Variants in KIAA1549L observed in about 807,000 individuals in gnomAD.
KIAA1549L encodes the protein UPF0606 protein KIAA1549L.
Under a neutral mutation model 160.7 loss-of-function variants are expected in KIAA1549L, and 88 were observed. The ratio of observed to expected loss-of-function variants is 0.55; its 90% CI spans 0.46 to 0.65. The LOEUF (loss-of-function observed/expected upper bound fraction) is 0.65, where lower values mean the gene tolerates loss of function less well. Ranked by LOEUF, KIAA1549L falls within the 30% of genes least tolerant of loss-of-function variation. The pLI is 0.00. For synonymous variants in KIAA1549L, 950 were observed against 976.7 expected (o/e 0.97, Z 0.51); for missense variants, 2,258 against 2,437.5 (o/e 0.93, Z 1.55).
At chr11:33,467,846 T>C (rs553473877) in intron 1 of KIAA1549L, among the ~76,000 whole-genome samples, 3 of 152,290 alleles carry the variant, frequency 2.0e-5, no homozygotes, top group South Asian at 2.1e-4. Context: ...CCTGGAGTTC[T>C]GGTGAATAAG....
chr11:33,551,310 A>G (rs1490752142), intron 5 of KIAA1549L, 51 bp downstream of exon 5: 2 of 1,486,006 alleles, frequency 1.3e-6, no homozygotes, highest in Non-Finnish European at 1.9e-6. Context: ...GTTCAGGGCC[A>G]GTACCAAGTG....
intron 17 of KIAA1549L, among the ~76,000 whole-genome samples, chr11:33,648,057 CA>C (rs1851775975): frequency 1.3e-5 from 2 of 152,154 alleles, no homozygotes; most frequent in Admixed American, 1.3e-4. Context: ...TGCAGTGGCG[CA>C]ATCTTGGCTC....
chr11:33,403,340 G>GAC (rs150153783), intron 1 of KIAA1549L: 73,908 of 94,208 alleles, frequency 0.78, 27,042 homozygotes, highest in African/African-American at 0.85. Flanking sequence ...CACACATGCA[G>GAC]ACACGCAGAC....
chr11:33,525,619 A>G (rs1219396752), intron 1 of KIAA1549L, among the ~76,000 whole-genome samples: 1 of 152,010 alleles, frequency 6.6e-6, no homozygotes, highest in Non-Finnish European at 1.5e-5. Flanking sequence ...TTGGAAGTGC[A>G]TATATGAGTG....
chr11:33,586,129 T>C (rs568196163), intron 11 of KIAA1549L, among the ~76,000 whole-genome samples: 1 of 152,352 alleles, frequency 6.6e-6, no homozygotes, highest in Non-Finnish European at 1.5e-5. Flanking sequence ...AATTCAATTA[T>C]TGTCAAAGGA....
intron 9 of KIAA1549L, among the ~76,000 whole-genome samples, chr11:33,569,577 A>G (rs1855172763): frequency 6.6e-6 from 1 of 152,174 alleles, no homozygotes; most frequent in Admixed American, 6.5e-5. Context: ...GGCAATCTTG[A>G]AAGTATAGAC....
chr11:33,502,713 A>C (rs1026345166), intron 1 of KIAA1549L, among the ~76,000 whole-genome samples: 18 of 152,198 alleles, frequency 1.2e-4, no homozygotes, highest in African/African-American at 4.1e-4. Context: ...GTGTGGTTTC[A>C]TGGAAAGAGA....
At chr11:33,664,593 CT>C (rs1852377780) in intron 20 of KIAA1549L, among the ~76,000 whole-genome samples, 1 of 152,186 alleles carries the variant, frequency 6.6e-6, no homozygotes, top group African/African-American at 2.4e-5. Flanking sequence ...GGCGAACCCC[CT>C]AATGAATGGG....
rs527974237 is a variant in KIAA1549L at position 33,527,987 on chromosome 11, C to T, written c.239-13815C>T. Among the ~76,000 whole-genome samples the T allele has an allele frequency of 3.3e-5, 5 of 152,272 alleles. No individual in the cohort carries two copies. In the South Asian group the frequency reaches 1.0e-3, roughly 32 times the overall value. ...TGTTCTCATGATAGTGAATAAGTCT[C>T]ACGAAATCTGATGGTTTTATAAAGG... is the stretch of plus-strand genomic sequence containing the variant. On this transcript the variant is annotated intron_variant, in intron 1 of 20. Coordinates refer to ENST00000658780, the MANE Select transcript of KIAA1549L (RefSeq NM_012194.3).
chr11:33,487,879 A>G (rs1419463822), intron 1 of KIAA1549L, among the ~76,000 whole-genome samples: 3 of 152,140 alleles, frequency 2.0e-5, no homozygotes, highest in Admixed American at 6.6e-5. Context: ...ATGTGATTGA[A>G]ATCTTGGAAA....
intron 10 of KIAA1549L, among the ~76,000 whole-genome samples, chr11:33,580,056 G>A (rs1425275925): frequency 6.6e-6 from 1 of 152,150 alleles, no homozygotes; most frequent in Admixed American, 6.5e-5. Flanking sequence ...GGCCAAGACT[G>A]GAGCATGCAG....
chr11:33,496,194 C>T (rs1391773978), intron 1 of KIAA1549L, among the ~76,000 whole-genome samples: 1 of 152,114 alleles, frequency 6.6e-6, no homozygotes, highest in Non-Finnish European at 1.5e-5. Context: ...GAACTCCTGA[C>T]CTCAGGTGAT....
At chr11:33,518,588 G>A (rs1853410605) in intron 1 of KIAA1549L, among the ~76,000 whole-genome samples, 1 of 152,194 alleles carries the variant, frequency 6.6e-6, no homozygotes, top group Non-Finnish European at 1.5e-5. Flanking sequence ...TATAGTGGCT[G>A]TAAACCTAAG....
At chr11:33,567,749 G>T (rs140760523) in intron 8 of KIAA1549L, among the ~76,000 whole-genome samples, 1 of 152,170 alleles carries the variant, frequency 6.6e-6, no homozygotes, top group East Asian at 1.9e-4. Flanking sequence ...AGTTAAATAC[G>T]GCAGCATTCG....
intron 1 of KIAA1549L, among the ~76,000 whole-genome samples, chr11:33,401,339 G>C (rs1850497399): frequency 6.8e-6 from 1 of 147,070 alleles, no homozygotes; most frequent in Non-Finnish European, 1.5e-5. Context: ...TGAAGGTGTT[G>C]GTCAGAACAT....
At chr11:33,637,539 G>A (rs1007602783) in intron 16 of KIAA1549L, among the ~76,000 whole-genome samples, 1 of 152,210 alleles carries the variant, frequency 6.6e-6, no homozygotes, top group Non-Finnish European at 1.5e-5. Context: ...ATATTAGTTT[G>A]CTAGGGCACA....
intron 1 of KIAA1549L, among the ~76,000 whole-genome samples, chr11:33,466,220 CATCT>C (rs888808524): frequency 3.9e-5 from 6 of 152,084 alleles, no homozygotes; most frequent in African/African-American, 1.4e-4. Flanking sequence ...GCAATCTATC[CATCT>C]GACAAAGGGC....
At chr11:33,620,598 T>C (rs1358453242) in intron 16 of KIAA1549L, among the ~76,000 whole-genome samples, 1 of 152,220 alleles carries the variant, frequency 6.6e-6, no homozygotes, top group Non-Finnish European at 1.5e-5. Context: ...GTAGATGCTT[T>C]CATTATGCCC....
chr11:33,574,557 G>A, intron 9 of KIAA1549L, 145 bp from the exon 10 acceptor site: 1 of 610,350 alleles, frequency 1.6e-6, no homozygotes, highest in South Asian at 3.1e-5. Context: ...TTCTTGAGAG[G>A]CTGGATATAG....
Sources: allele counts gnomAD v4.1 joint callset (sites outside exome capture counted in the v4.1 genomes callset), GRCh38; gene constraint gnomAD v4.1.1; transcripts MANE v1.5; gene names NCBI Gene and HGNC (gene_info 2026-07-23, HGNC 2026-07-21).